Variants in CFAP46 observed in about 807,000 individuals in gnomAD.
The protein encoded by CFAP46 is cilia and flagella associated protein 46, also known as cilia- and flagella-associated protein 46.
In CFAP46, 245 loss-of-function variants were observed where a neutral mutation model predicts 325.7. The ratio of observed to expected loss-of-function variants is 0.75; its 90% CI spans 0.68 to 0.84. The LOEUF (loss-of-function observed/expected upper bound fraction) is 0.84, where lower values mean the gene tolerates loss of function less well. CFAP46 is among the 40% of genes least tolerant of loss of function. CFAP46 has a pLI of 0.00. For missense variants in CFAP46, 3,346 were observed against 3,543.0 expected, an observed-to-expected ratio of 0.94 and a Z score of 1.41; for synonymous variants, 1,523 against 1,495.9, an observed-to-expected ratio of 1.02 and a Z score of -0.42.
intron 37 of CFAP46, among the ~76,000 whole-genome samples, chr10:132,859,986 C>T (rs1037265297): frequency 6.6e-6 from 1 of 152,172 alleles, no homozygotes; most frequent in Non-Finnish European, 1.5e-5. Flanking sequence ...ACCAGGGAGT[C>T]GGAGGTTGCG....
At chr10:132,822,065 T>C (rs1251372504) in intron 50 of CFAP46, among the ~76,000 whole-genome samples, 1 of 132,624 alleles carries the variant, frequency 7.5e-6, no homozygotes, top group Admixed American at 7.6e-5. Context: ...TGTGTGCTGA[T>C]GTGTGCTGTG....
intron 50 of CFAP46, among the ~76,000 whole-genome samples, chr10:132,826,650 G>A (rs1328433930): frequency 7.5e-6 from 1 of 132,958 alleles, no homozygotes; most frequent in South Asian, 3.0e-4. Flanking sequence ...ACAGAGACCA[G>A]CCACGGAGCC....
intron 15 of CFAP46, 44 bp from the exon 16 acceptor site, chr10:132,918,564 A>G: frequency 2.0e-6 from 3 of 1,485,098 alleles, no homozygotes; most frequent in Non-Finnish European, 2.7e-6. Flanking sequence ...TTTTTCTAGC[A>G]AATAAATAAA....
intron 36 of CFAP46, 95 bp downstream of exon 36, chr10:132,860,687 C>A: frequency 1.5e-6 from 2 of 1,357,626 alleles, no homozygotes; most frequent in Non-Finnish European, 2.0e-6. Flanking sequence ...GTGTCATCAG[C>A]GGTCTGCCAG....
At chr10:132,929,474 T>C (rs1214246597) in intron 9 of CFAP46, 1 of 759,124 alleles carries the variant, frequency 1.3e-6, no homozygotes, top group Non-Finnish European at 2.5e-6. Flanking sequence ...TGTGGTGCTG[T>C]GGACCCGTGG....
In CFAP46 at chr10:132,909,010, G is replaced by C. The variant is rs571514743; in HGVS notation, c.2757+127C>G. On this transcript the variant is annotated intron_variant, in intron 21 of 57. Transcript: ENST00000368586. ...AGGGGGCGCAGCTCCGTTGGGAGGT[G>C]GGGGAGAGCGGGGCAGAGTGGGGGT... is the stretch of plus-strand genomic sequence containing the variant. 3.0e-4 allele frequency: 203 copies of C among 667,148 alleles called. 1 individual carries two copies. In the South Asian group the frequency reaches 3.6e-3, roughly 12 times the overall value. The allele number at this position is 667,148 out of a possible 1,614,324, so 41.3% of individuals were successfully genotyped here.
rs778420985 is a variant in CFAP46, at chr10:132,922,627, C to T, written c.1338G>A (p.Thr446=). 27 of 1,549,644 alleles carry T rather than the reference C, an allele frequency of 1.7e-5. No homozygotes were observed. The highest frequency in any genetic ancestry group is 1.6e-4 in the African/African-American group (12 of 73,058). ...EEDEDRLEPA[T]EHLRKAARLD... ...GGCGCGCGGCTTTCCGGAGGTGCTC[C>T]GTGGCGGGCTCCAGCCGGTCCTCGT... Residue 446 remains threonine (T), a synonymous_variant, in exon 12 of 58, where the codon ACG becomes ACA. Transcript: ENST00000368586.
rs1849911691 is a variant in CFAP46 at position 132,931,827 on chromosome 10, T to TCCCCACACAGAGCCTGGGCCTCCTTACAC, written c.867-2024_867-2023insGTGTAAGGAGGCCCAGGCTCTGTGTGGGG. On this transcript the variant is annotated intron_variant, in intron 8 of 57. Transcript: ENST00000368586. Reference sequence around the variant, plus strand: ...CCCACACAGAGCCTGGGCCTTCCTCTTCCCCACACAGAGCCTGGGCCTCCT... The same window carrying TCCCCACACAGAGCCTGGGCCTCCTTACAC: ...CCCACACAGAGCCTGGGCCTTCCTCTCCCCACACAGAGCCTGGGCCTCCTTACACTCCCCACACAGAGCCTGGGCCTCCT... 2.8e-4 allele frequency among the ~76,000 whole-genome samples: 15 copies of TCCCCACACAGAGCCTGGGCCTCCTTACAC among 53,250 alleles called. No homozygotes were observed. The South Asian group carries it at 9.6e-3, about 34-fold the overall frequency. The allele number at this position is 53,250 out of a possible 152,430, so 34.9% of individuals were successfully genotyped here. A position where few individuals can be genotyped will look rare whatever the true frequency, so the allele number is the denominator to read the frequency against.
rs370381823 is a variant in CFAP46 at position 132,846,217 on chromosome 10, G to A, written c.6278C>T (p.Ala2093Val). The A allele has an allele frequency of 1.8e-5, 29 of 1,611,774 alleles. No individual in the cohort carries two copies. The highest frequency in any genetic ancestry group is 2.4e-5 in the Non-Finnish European group (28 of 1,179,584). ...QFLALSQSCS[A>V]SETMRDVLLA... ...CAGGACATCCCTCATCGTCTCTGAG[G>A]CCGAGCAGCTCTGAAAGGGAGCAGG... Residue 2093 changes from alanine to valine, a missense_variant, in exon 44 of 58, where the codon GCC becomes GTC. By Grantham distance (64) the Ala-to-Val change is moderately conservative. Coordinates refer to ENST00000368586, the MANE Select transcript of CFAP46 (RefSeq NM_001200049.3).
chr10:132,886,363 G>C lies in CFAP46; in HGVS notation c.3305-404C>G, dbSNP rs1440635184. Among the ~76,000 whole-genome samples the C allele has an allele frequency of 6.6e-6, 1 of 152,194 alleles. No homozygotes were observed. Among genetic ancestry groups the C allele is most frequent in the African/African-American group, 2.4e-5 (1 of 41,442 alleles). On this transcript the variant is annotated intron_variant, in intron 25 of 57. Transcript: ENST00000368586. The surrounding 1 kb of genome is among the most constrained non-coding windows in gnomAD (Gnocchi z 5.8). ...GGACACAGCGCCACGTGCACGCTCG[G>C]GAGTCCTCATGCTTGGTGCCCGCAG...
chr10:132,864,658 C>G (rs1286126558), intron 35 of CFAP46, among the ~76,000 whole-genome samples: 1 of 146,796 alleles, frequency 6.8e-6, no homozygotes. Flanking sequence ...GACCTGCACA[C>G]ACCTGTCCCC....
At chr10:132,845,477 C>T (rs1848418008) in intron 44 of CFAP46, among the ~76,000 whole-genome samples, 1 of 152,240 alleles carries the variant, frequency 6.6e-6, no homozygotes, top group African/African-American at 2.4e-5. Context: ...TCAGGTCCAC[C>T]CCAACGAGAG....
chr10:132,918,449 G>T lies in CFAP46; in HGVS notation c.1930C>A (p.Gln644Lys). The T allele has an allele frequency of 6.5e-7, 1 of 1,549,204 alleles. No individual in the cohort carries two copies. The highest frequency in any genetic ancestry group is 1.4e-5 in the African/African-American group (1 of 73,108). Residue 644 changes from glutamine (Q) to lysine (K), a missense_variant, in exon 16 of 58, where the codon CAG becomes AAG. By Grantham distance (53) the Gln-to-Lys change is moderately conservative. Transcript: ENST00000368586. Reference protein sequence around the residue: ...WSQPEVVLQRQVCPDLLRKFA... With the variant: ...WSQPEVVLQRKVCPDLLRKFA... ...TTCCGCAGCAGGTCGGGGCACACCT[G>T]CCTCTGCAGGACGACCTCAGGCTGG...
Position 132,937,577 on chromosome 10 carries a change from T to G in CFAP46, c.635A>C (p.Lys212Thr). The change falls in exon 6 of 58, where the codon AAA (lysine) becomes ACA (threonine). Residue 212 changes from lysine to threonine, a missense_variant. Physicochemically the swap from Lys to Thr is moderately conservative, Grantham distance 78 (BLOSUM62 -1). Transcript: ENST00000368586. The part of the protein sequence containing the change: ...APFIKSHVPQ[K>T]YRQIFSVMVR... ...CATAACAGAGAATATCTGCCGGTATTTCTGTGGCACGTGAGACTTAATGAA... is the reference window on the plus strand; with the variant it reads ...CATAACAGAGAATATCTGCCGGTATGTCTGTGGCACGTGAGACTTAATGAA... 1 of 1,613,678 alleles carries G rather than the reference T, an allele frequency of 6.2e-7. No homozygotes were observed. Among genetic ancestry groups the G allele is most frequent in the African/African-American group, 1.3e-5 (1 of 75,038 alleles).
In CFAP46 at chr10:132,911,120, C is replaced by T. The variant is rs553543298; in HGVS notation, c.2500-1052G>A. ...CAGCTGCACCCACAGCTGCCTGAGCCGCCCACGGCGCCCTCCCCTCCGCAG... is the reference window on the plus strand; with the variant it reads ...CAGCTGCACCCACAGCTGCCTGAGCTGCCCACGGCGCCCTCCCCTCCGCAG... On this transcript the variant is annotated intron_variant, in intron 19 of 57. Transcript: ENST00000368586. Among the ~76,000 whole-genome samples the T allele has an allele frequency of 1.3e-3, 192 of 152,334 alleles. 1 individual carries two copies. The highest frequency in any genetic ancestry group is 2.4e-3 in the Non-Finnish European group (162 of 68,026).
intron 4 of CFAP46, among the ~76,000 whole-genome samples, chr10:132,940,581 CTT>C (rs368101100): frequency 2.8e-4 from 40 of 145,236 alleles, no homozygotes; most frequent in African/African-American, 8.8e-4. Context: ...AAAACAGACT[CTT>C]TTTTTTTTTT....
chr10:132,884,957 C>G lies in CFAP46; in HGVS notation c.3627+146G>C. On this transcript the variant is annotated intron_variant, in intron 27 of 57. Coordinates refer to ENST00000368586, the MANE Select transcript of CFAP46 (RefSeq NM_001200049.3). The surrounding 1 kb of genome is among the most constrained non-coding windows in gnomAD (Gnocchi z 5.4). Reference sequence around the variant, plus strand: ...GGTCAGCAAGAGGAGTGCCCGGGGCCACGCGGTGCATTCTCTGTGCCCGTC... The same window carrying G: ...GGTCAGCAAGAGGAGTGCCCGGGGCGACGCGGTGCATTCTCTGTGCCCGTC... The G allele has an allele frequency of 1.2e-6, 1 of 840,254 alleles. No individual in the cohort carries two copies. 52.0% of individuals were successfully genotyped at this position (840,254 alleles called of 1,614,324 possible).
Position 132,942,476 on chromosome 10 carries a change from C to T in CFAP46, c.9G>A (p.Leu3=). 1 of 1,249,496 alleles carries T rather than the reference C, an allele frequency of 8.0e-7. No homozygotes were observed. Among genetic ancestry groups the T allele is most frequent in the Non-Finnish European group, 9.9e-7 (1 of 1,007,158 alleles). The allele number at this position is 1,249,496 out of a possible 1,614,324, so 77.4% of individuals were successfully genotyped here. Residue 3 remains leucine (L), a synonymous_variant, in exon 1 of 58, where the codon CTG becomes CTA. Coordinates refer to ENST00000368586, the MANE Select transcript of CFAP46 (RefSeq NM_001200049.3). ...CGCGGGCCAGCTCCTGCGTGATGAC[C>T]AGGTCCATGGCGCCGGCGCCCTGCT... is the stretch of plus-strand genomic sequence containing the variant. MD[L]VITQELARAE...
In CFAP46 at chr10:132,924,862, G is replaced by A. The variant is rs1358816672; in HGVS notation, c.1090C>T (p.Leu364=). The change falls in exon 11 of 58, where the codon CTA becomes TTA. Residue 364 remains leucine (L), a synonymous_variant. Coordinates refer to ENST00000368586, the MANE Select transcript of CFAP46 (RefSeq NM_001200049.3). ...ACGGCTCGCTGCAGCGCGACGTCTA[G>A]CCTCTGTATGATATCCAGCTGGGCC... ...VEAQLDIIQR[L]DVALQRAVRL... 5 of 1,406,598 alleles carry A rather than the reference G, an allele frequency of 3.6e-6. No homozygotes were observed. The highest frequency in any genetic ancestry group is 1.8e-4 in the Middle Eastern group (1 of 5,410). The allele number at this position is 1,406,598 out of a possible 1,614,324, so 87.1% of individuals were successfully genotyped here. A position where few individuals can be genotyped will look rare whatever the true frequency, so the allele number is the denominator to read the frequency against.
Sources: allele counts gnomAD v4.1 joint callset (sites outside exome capture counted in the v4.1 genomes callset), GRCh38; gene constraint gnomAD v4.1.1; non-coding constraint Gnocchi (gnomAD v3.1); transcripts MANE v1.5; gene names NCBI Gene and HGNC (gene_info 2026-07-23, HGNC 2026-07-21).